The following ZNF362 variants were observed in gnomAD, a reference collection of about 807,000 sequenced individuals.
ZNF362 encodes zinc finger protein 362.
A neutral mutation model predicts 42.9 loss-of-function variants in ZNF362; 11 were observed. The ratio of observed to expected loss-of-function variants is 0.26; its 90% CI spans 0.16 to 0.42. The LOEUF is 0.42. ZNF362 is among the 20% of genes least tolerant of loss of function. ZNF362 has a pLI of 1.00. For synonymous variants in ZNF362, 255 were observed against 257.3 expected (o/e 0.99, Z 0.09); for missense variants, 362 against 576.2 (o/e 0.63, Z 3.81).
chr1:33,189,575 C>T, the ZNF362 span, among the ~76,000 whole-genome samples: 1 of 146,398 alleles, frequency 6.8e-6, no homozygotes, highest in Non-Finnish European at 1.5e-5. Flanking sequence ...GCGCCGCAAC[C>T]ACACTTCTGT....
the ZNF362 span, among the ~76,000 whole-genome samples, chr1:33,149,994 C>T: frequency 6.6e-6 from 1 of 152,332 alleles, no homozygotes; most frequent in East Asian, 1.9e-4. Context: ...GCTGCATCAC[C>T]TGGCTCTGGG....
At chr1:33,212,731 G>T in the ZNF362 span, among the ~76,000 whole-genome samples, 1 of 152,088 alleles carries the variant, frequency 6.6e-6, no homozygotes, top group Non-Finnish European at 1.5e-5. Flanking sequence ...ATCACCAAGG[G>T]AATGGCACTA....
At chr1:33,128,326 G>C in the ZNF362 span, among the ~76,000 whole-genome samples, 7 of 152,124 alleles carry the variant, frequency 4.6e-5, no homozygotes, top group African/African-American at 1.7e-4. Context: ...TCAGTGAGCC[G>C]TGAGTGGGGC....
the ZNF362 span, among the ~76,000 whole-genome samples, chr1:33,213,585 G>A: frequency 1.3e-5 from 2 of 152,028 alleles, no homozygotes; most frequent in Admixed American, 6.6e-5. Flanking sequence ...GTTGGCTCAC[G>A]CCTGTAATCC....
At chr1:33,271,299 G>A (rs1570390168) in intron 2 of ZNF362, among the ~76,000 whole-genome samples, 1 of 152,328 alleles carries the variant, frequency 6.6e-6, no homozygotes, top group East Asian at 1.9e-4. Context: ...CGCCTGGGGG[G>A]CCTTTGCTCA....
the ZNF362 span, among the ~76,000 whole-genome samples, chr1:33,215,066 C>T: frequency 6.6e-6 from 1 of 152,082 alleles, no homozygotes; most frequent in African/African-American, 2.4e-5. Flanking sequence ...CAGCACTGTG[C>T]ACAATAGCCA....
chr1:33,218,740 AC>A, the ZNF362 span, among the ~76,000 whole-genome samples: 8 of 151,210 alleles, frequency 5.3e-5, no homozygotes, highest in South Asian at 1.7e-3. Flanking sequence ...CTTTTTAAGA[AC>A]TCTTTGTATA....
rs1013635170 is a variant in ZNF362, at chr1:33,281,401, T to C, written c.684-186T>C. 2.6e-5 allele frequency among the ~76,000 whole-genome samples: 4 copies of C among 152,126 alleles called. No individual in the cohort carries two copies. Among genetic ancestry groups the C allele is most frequent in the Admixed American group, 2.0e-4 (3 of 15,276 alleles). ...AATGTTCCCCCAGGCAAGAGCTTCCTCCTCCAGATTTAAGGGTGCCCAGGC... is the reference window on the plus strand; with the variant it reads ...AATGTTCCCCCAGGCAAGAGCTTCCCCCTCCAGATTTAAGGGTGCCCAGGC... On this transcript the variant is annotated intron_variant, in intron 5 of 8. Coordinates refer to ENST00000539719, the MANE Select transcript of ZNF362 (RefSeq NM_152493.3). This position sits in a 1 kb window ranked among gnomAD's most constrained non-coding sequence, Gnocchi z 4.8.
chr1:33,128,545 T>C, the ZNF362 span, among the ~76,000 whole-genome samples: 2 of 152,170 alleles, frequency 1.3e-5, no homozygotes, highest in African/African-American at 2.4e-5. Flanking sequence ...ATTGGGAAAG[T>C]CTCTGCCTAA....
At chr1:33,256,874 T>A (rs1277646029) in intron 1 of ZNF362, among the ~76,000 whole-genome samples, 3 of 149,790 alleles carry the variant, frequency 2.0e-5, no homozygotes, top group Non-Finnish European at 4.5e-5. Context: ...AGGAAGTGTC[T>A]CCCGCGGCGT....
the ZNF362 span, among the ~76,000 whole-genome samples, chr1:33,180,869 C>T: frequency 6.7e-6 from 1 of 149,330 alleles, no homozygotes; most frequent in Non-Finnish European, 1.5e-5. Context: ...CTCCCTGCCC[C>T]GCGTTACTCC....
chr1:33,148,813 A>G, the ZNF362 span, among the ~76,000 whole-genome samples: 1 of 152,336 alleles, frequency 6.6e-6, no homozygotes, highest in South Asian at 2.1e-4. Flanking sequence ...GAAAACCATG[A>G]ATTCTAGGCC....
the ZNF362 span, among the ~76,000 whole-genome samples, chr1:33,212,620 C>T: frequency 6.6e-6 from 1 of 152,092 alleles, no homozygotes; most frequent in African/African-American, 2.4e-5. Context: ...GGGAAGCTGG[C>T]CTATCACATG....
chr1:33,198,878 A>G, the ZNF362 span, among the ~76,000 whole-genome samples: 2 of 152,258 alleles, frequency 1.3e-5, no homozygotes, highest in African/African-American at 4.8e-5. Flanking sequence ...TGAAAATCAC[A>G]ATGTTTGAAG....
At chr1:33,208,253 A>G in the ZNF362 span, among the ~76,000 whole-genome samples, 1 of 151,924 alleles carries the variant, frequency 6.6e-6, no homozygotes, top group Non-Finnish European at 1.5e-5. Flanking sequence ...TAGACGTGTT[A>G]TTTCTGTGGC....
chr1:33,144,450 C>T, the ZNF362 span, among the ~76,000 whole-genome samples: 1 of 152,180 alleles, frequency 6.6e-6, no homozygotes, highest in Admixed American at 6.6e-5. Context: ...TTTAATGTTA[C>T]TTCTGAGCAA....
intron 6 of ZNF362, among the ~76,000 whole-genome samples, chr1:33,291,066 T>C (rs928012173): frequency 2.6e-5 from 4 of 152,250 alleles, no homozygotes; most frequent in Admixed American, 2.6e-4. Flanking sequence ...CTCTTTAGTT[T>C]AATTGGGTCC....
At chr1:33,291,514 G>A (rs946512361) in intron 6 of ZNF362, among the ~76,000 whole-genome samples, 2 of 152,158 alleles carry the variant, frequency 1.3e-5, no homozygotes, top group Non-Finnish European at 2.9e-5. Flanking sequence ...TTCCAGCTTC[G>A]TTCTTTTGGC....
the ZNF362 span, among the ~76,000 whole-genome samples, chr1:33,231,503 T>C: frequency 6.6e-6 from 1 of 152,138 alleles, no homozygotes; most frequent in African/African-American, 2.4e-5. Context: ...CTCCAAAAGA[T>C]ACCTGTGGAA....
Sources: allele counts gnomAD v4.1 joint callset (sites outside exome capture counted in the v4.1 genomes callset), GRCh38; gene constraint gnomAD v4.1.1; non-coding constraint Gnocchi (gnomAD v3.1); transcripts MANE v1.5; gene names NCBI Gene and HGNC (gene_info 2026-07-23, HGNC 2026-07-21).